Variants in ZBTB20 observed in about 807,000 individuals in gnomAD.
ZBTB20 encodes the protein zinc finger and BTB domain containing 20, also known as zinc finger and BTB domain-containing protein 20.
In ZBTB20, 9 loss-of-function variants were observed where a neutral mutation model predicts 56.9. The observed-to-expected ratio is 0.16, with a 90% CI of 0.10 to 0.28. The LOEUF (loss-of-function observed/expected upper bound fraction) is 0.28, where lower values mean the gene tolerates loss of function less well. ZBTB20 is among the 10% of genes least tolerant of loss of function. ZBTB20 has a pLI of 1.00. For synonymous variants in ZBTB20, 417 were observed against 420.7 expected (o/e 0.99, Z 0.11); for missense variants, 655 against 1,003.0 (o/e 0.65, Z 4.69).
chr3:114,994,336 T>C (rs1187808881), intron 2 of ZBTB20, among the ~76,000 whole-genome samples: 1 of 151,902 alleles, frequency 6.6e-6, no homozygotes, highest in Non-Finnish European at 1.5e-5. Context: ...TCACATGGTT[T>C]AACAGTTGAA....
At chr3:115,114,651 T>C (rs2108633622) in intron 1 of ZBTB20, among the ~76,000 whole-genome samples, 1 of 152,272 alleles carries the variant, frequency 6.6e-6, no homozygotes, top group East Asian at 1.9e-4. Context: ...TCAATGTATA[T>C]AGAAACTAGT....
At chr3:114,395,819 A>G (rs1176902781) in intron 7 of ZBTB20, among the ~76,000 whole-genome samples, 3 of 152,162 alleles carry the variant, frequency 2.0e-5, no homozygotes, top group Admixed American at 1.3e-4. Flanking sequence ...TGGAATCACA[A>G]TCCCACTGTT....
chr3:115,084,688 A>G (rs543768614), intron 1 of ZBTB20, among the ~76,000 whole-genome samples: 1 of 152,134 alleles, frequency 6.6e-6, no homozygotes, highest in South Asian at 2.1e-4. Flanking sequence ...GAGTAAATAT[A>G]AAAAGTATCA....
At position 114,908,604 on chromosome 3, in the gene ZBTB20, AT is replaced by A. The variant is rs542316771; in HGVS notation, c.-455-8263del. Among the ~76,000 whole-genome samples the A allele has an allele frequency of 2.4e-4, 37 of 152,148 alleles. 1 individual carries two copies. Among genetic ancestry groups the A allele is most frequent in the African/African-American group, 8.7e-4 (36 of 41,552 alleles). On this transcript the variant is annotated intron_variant, in intron 3 of 11. Coordinates refer to ENST00000675478, the MANE Select transcript of ZBTB20 (RefSeq NM_001348800.3). ...GAAAAAGAGCTCATATATCAAAAAT[AT>A]CAAATCCGAAGAAAGGTTCATCCAT...
chr3:114,929,023 G>C (rs1268837935), intron 3 of ZBTB20, among the ~76,000 whole-genome samples: 8 of 152,210 alleles, frequency 5.3e-5, no homozygotes, highest in African/African-American at 1.9e-4. Context: ...CTGCTTTAGT[G>C]AGTTTATAAT....
At chr3:115,045,651 A>G (rs2081307571) in intron 2 of ZBTB20, among the ~76,000 whole-genome samples, 1 of 152,136 alleles carries the variant, frequency 6.6e-6, no homozygotes, top group Non-Finnish European at 1.5e-5. Flanking sequence ...AACATGGAAG[A>G]CTTTTATAAT....
chr3:114,389,116 C>G lies in ZBTB20; in HGVS notation c.-254-11G>C, dbSNP rs1338085615. On this transcript the variant is annotated splice_polypyrimidine_tract_variant and intron_variant, in intron 7 of 11. Transcript: ENST00000675478. ...AGAGAGCGGCTGCATCTAGATCAGACAAAAAACAAAAATAAGGTTGTTAAA... is the reference window on the plus strand; with the variant it reads ...AGAGAGCGGCTGCATCTAGATCAGAGAAAAAACAAAAATAAGGTTGTTAAA... 1 of 151,750 alleles carries G rather than the reference C, an allele frequency of 6.6e-6. No individual in the cohort carries two copies. The highest frequency in any genetic ancestry group is 1.5e-5 in the Non-Finnish European group (1 of 67,932). 9.4% of individuals were successfully genotyped at this position (151,750 alleles called of 1,614,324 possible).
chr3:114,849,898 C>CTTTTTTT (rs34170211), intron 4 of ZBTB20, among the ~76,000 whole-genome samples: 1 of 114,892 alleles, frequency 8.7e-6, no homozygotes, highest in African/African-American at 3.3e-5. Flanking sequence ...ATCAGGAAAT[C>CTTTTTTT]TTTTTTTTTT....
intron 2 of ZBTB20, among the ~76,000 whole-genome samples, chr3:114,978,195 A>G (rs1453633846): frequency 6.6e-6 from 1 of 150,554 alleles, no homozygotes; most frequent in Admixed American, 6.6e-5. Context: ...GCAATTCACA[A>G]TAGAATTGTG....
At chr3:114,817,158 A>G (rs1196663110) in intron 4 of ZBTB20, among the ~76,000 whole-genome samples, 1 of 151,342 alleles carries the variant, frequency 6.6e-6, no homozygotes, top group Admixed American at 6.6e-5. Flanking sequence ...CTCTCTCTAT[A>G]TTAAGTCTAT....
At position 114,351,649 on chromosome 3, in the gene ZBTB20, C is replaced by A; in HGVS notation, c.429G>T (p.Pro143=). ...LLLGYSDIEI[P]SVVSVQSVQK... ...GCACTGACTGCACTGACACCACCGA[C>A]GGGATCTCGATGTCGCTGTAGCCAA... The change falls in exon 11 of 12, where the codon CCG becomes CCT. Residue 143 remains proline (P), a synonymous_variant. Transcript: ENST00000675478. The A allele has an allele frequency of 6.2e-7, 1 of 1,614,158 alleles. No homozygotes were observed. Among genetic ancestry groups the A allele is most frequent in the Non-Finnish European group, 8.5e-7 (1 of 1,180,050 alleles).
chr3:114,853,212 C>T (rs1354335637), intron 4 of ZBTB20, among the ~76,000 whole-genome samples: 1 of 152,228 alleles, frequency 6.6e-6, no homozygotes, highest in African/African-American at 2.4e-5. Context: ...CCTTAGCAAC[C>T]CTTCTGCAGA....
intron 9 of ZBTB20, 125 bp from the exon 10 acceptor site, chr3:114,380,529 T>C: frequency 8.0e-7 from 1 of 1,255,824 alleles, no homozygotes; most frequent in Non-Finnish European, 1.1e-6. Context: ...GTCCAGTATG[T>C]CCCTTGTTTT....
intron 5 of ZBTB20, among the ~76,000 whole-genome samples, chr3:114,740,856 G>A (rs1168933796): frequency 6.6e-6 from 1 of 152,174 alleles, no homozygotes; most frequent in Non-Finnish European, 1.5e-5. Context: ...TTGTCCAGAA[G>A]AAGGAACTGA....
intron 2 of ZBTB20, among the ~76,000 whole-genome samples, chr3:114,975,921 C>T (rs2078079958): frequency 6.6e-6 from 1 of 152,048 alleles, no homozygotes; most frequent in South Asian, 2.1e-4. Flanking sequence ...ATAGTGCCTG[C>T]CATATACTAG....
chr3:114,432,735 T>G (rs1374596130), intron 7 of ZBTB20, among the ~76,000 whole-genome samples: 1 of 152,170 alleles, frequency 6.6e-6, no homozygotes, highest in African/African-American at 2.4e-5. Flanking sequence ...TTGGAATTCT[T>G]TGGTATCACT....
intron 5 of ZBTB20, among the ~76,000 whole-genome samples, chr3:114,758,429 T>C (rs1353012765): frequency 6.6e-6 from 1 of 152,144 alleles, no homozygotes; most frequent in Non-Finnish European, 1.5e-5. Flanking sequence ...AAAACTATAA[T>C]GTCCCTTTAG....
At chr3:115,006,480 T>TATATATATATATATATAA (rs1305434358) in intron 2 of ZBTB20, among the ~76,000 whole-genome samples, 2 of 151,400 alleles carry the variant, frequency 1.3e-5, no homozygotes, top group African/African-American at 4.8e-5. Flanking sequence ...TATATATATA[T>TATATATATATATATATAA]AACCATTTGT....
At chr3:115,094,439 T>C (rs939995822) in intron 1 of ZBTB20, among the ~76,000 whole-genome samples, 1 of 152,074 alleles carries the variant, frequency 6.6e-6, no homozygotes, top group Non-Finnish European at 1.5e-5. Context: ...AATAAGATAT[T>C]TTTGTTTATT....
Sources: gnomAD v4.1 joint callset for allele counts (sites outside exome capture counted in the v4.1 genomes callset) on GRCh38, gnomAD v4.1.1 for gene constraint, MANE v1.5 for transcripts, NCBI Gene and HGNC (gene_info 2026-07-23, HGNC 2026-07-21) for gene names.